KIF5A: variants seen among roughly 807,000 people sequenced by gnomAD.
KIF5A encodes the protein kinesin family member 5A.
A neutral mutation model predicts 141.3 loss-of-function variants in KIF5A; 35 were observed. The observed-to-expected ratio is 0.25, with a 90% CI of 0.19 to 0.33. KIF5A has a LOEUF of 0.33. KIF5A is among the 10% of genes least tolerant of loss of function. The probability of loss-of-function intolerance (pLI) is 1.00; values close to 1 mark genes in which losing one functional copy is unlikely to be tolerated. For synonymous variants in KIF5A, 448 were observed against 500.2 expected, an observed-to-expected ratio of 0.90 and a Z score of 1.39; for missense variants, 861 against 1,314.3, an observed-to-expected ratio of 0.66 and a Z score of 5.33.
Position 57,550,116 on chromosome 12 carries a change from G to A in KIF5A, c.-156G>A. Reference sequence around the variant, plus strand: ...CGCAGGAGAGAGACAGCGCGCCCCGGCCCTGCTCCCCAGGCTTCGCCCGGG... The same window carrying A: ...CGCAGGAGAGAGACAGCGCGCCCCGACCCTGCTCCCCAGGCTTCGCCCGGG... On this transcript the variant is annotated 5_prime_UTR_variant, in exon 1 of 29. Transcript: ENST00000455537. This position sits in a 1 kb window ranked among gnomAD's most constrained non-coding sequence, Gnocchi z 4.6. 1.0e-6 allele frequency: 1 copy of A among 991,284 alleles called. No individual in the cohort carries two copies. Among genetic ancestry groups the A allele is most frequent in the Non-Finnish European group, 1.6e-6 (1 of 644,870 alleles). The allele number at this position is 991,284 out of a possible 1,614,324, so 61.4% of individuals were successfully genotyped here.
At chr12:57,575,310 GA>G (rs1424639266) in intron 16 of KIF5A, 38 bp downstream of exon 16, 3 of 1,589,250 alleles carry the variant, frequency 1.9e-6, no homozygotes, top group Non-Finnish European at 2.6e-6. Context: ...GATGCCATGG[GA>G]GAAAGAAGGC....
chr12:57,567,368 C>T (rs1337126790), intron 7 of KIF5A, 126 bp from the exon 8 acceptor site: 4 of 1,301,584 alleles, frequency 3.1e-6, no homozygotes, highest in Non-Finnish European at 4.4e-6. Flanking sequence ...GGAGATGTGG[C>T]AGCAGGGCTA....
At chr12:57,581,823 G>C in intron 25 of KIF5A, 47 bp from the exon 26 acceptor site, 1 of 1,522,400 alleles carries the variant, frequency 6.6e-7, no homozygotes. Context: ...CCTCAGACTA[G>C]TGGAGGGTGG....
At chr12:57,575,562 C>A in intron 16 of KIF5A, 78 bp from the exon 17 acceptor site, 1 of 1,201,754 alleles carries the variant, frequency 8.3e-7, no homozygotes, top group Non-Finnish European at 1.2e-6. Flanking sequence ...GGGAGGAGAG[C>A]TGGAGTTGGA....
chr12:57,578,388 G>A (rs759279945), intron 23 of KIF5A, 46 bp downstream of exon 23: 3 of 1,304,964 alleles, frequency 2.3e-6, no homozygotes, highest in Non-Finnish European at 3.3e-6. Flanking sequence ...AGGCCGGGTA[G>A]CTAGCATACC....
chr12:57,556,524 T>G (rs753711009), intron 1 of KIF5A, among the ~76,000 whole-genome samples: 1 of 151,932 alleles, frequency 6.6e-6, no homozygotes, highest in Non-Finnish European at 1.5e-5. Flanking sequence ...CCTAGACTGA[T>G]GTAAAGGGGT....
Position 57,583,171 on chromosome 12 carries a change from G to A in KIF5A, c.3091G>A (p.Ala1031Thr), listed in dbSNP as rs749631031. The A allele has an allele frequency of 1.2e-6, 2 of 1,613,814 alleles. No homozygotes were observed. The highest frequency in any genetic ancestry group is 1.7e-5 in the Admixed American group (1 of 60,002). ...TTTCCCTCTCCACCAAGAGACAGCA[G>A]CCAGCTAATCTCCCACACCCACGGC... Reference protein sequence around the residue: ...KLFPLHQETAAS With the variant: ...KLFPLHQETATS Residue 1031 changes from alanine to threonine, a missense_variant, in exon 28 of 29, where the codon GCC becomes ACC. Physicochemically the swap from Ala to Thr is moderately conservative, Grantham distance 58 (BLOSUM62 0). Transcript: ENST00000455537.
intron 11 of KIF5A, 52 bp from the exon 12 acceptor site, chr12:57,569,935 T>C: frequency 6.3e-7 from 1 of 1,590,878 alleles, no homozygotes; most frequent in Non-Finnish European, 8.6e-7. Context: ...GAAGAACTCG[T>C]GGATGCAGCT....
chr12:57,564,580 A>C, intron 5 of KIF5A, 72 bp downstream of exon 5: 6 of 1,208,518 alleles, frequency 5.0e-6, no homozygotes, highest in African/African-American at 1.5e-5. Context: ...TTGCATTTGG[A>C]ATTAGGTACC....
At chr12:57,552,804 T>C (rs922945078) in intron 1 of KIF5A, among the ~76,000 whole-genome samples, 2 of 152,100 alleles carry the variant, frequency 1.3e-5, no homozygotes, top group Non-Finnish European at 2.9e-5. Flanking sequence ...GTGGGAGAGA[T>C]AATCTTTCCC....
chr12:57,567,701 C>T (rs1399017457), intron 8 of KIF5A, 83 bp downstream of exon 8: 1 of 1,436,534 alleles, frequency 7.0e-7, no homozygotes, highest in Admixed American at 2.5e-5. Context: ...CACTCTGTCG[C>T]CCGGGCTGGT....
rs1017745641 is a variant in KIF5A at position 57,581,073 on chromosome 12, G to A, written c.2656G>A (p.Ala886Thr). 2.5e-6 allele frequency: 4 copies of A among 1,613,990 alleles called. No homozygotes were observed. The highest frequency in any genetic ancestry group is 3.4e-6 in the Non-Finnish European group (4 of 1,180,032). ...TGCACTGAAGGAGGCCAAGGAGGGC[G>A]CCATGAAGGACAAGCGCCGGTACCA... ...EGALKEAKEG[A>T]MKDKRRYQQE... The change falls in exon 24 of 29, where the codon GCC becomes ACC. Residue 886 changes from alanine to threonine, a missense_variant. Around this residue, in one of 5 missense-constraint regions of KIF5A, gnomAD observed 482 missense variants for 661.3 expected, o/e 0.73. Transcript: ENST00000455537.
chr12:57,557,250 G>A (rs1435042641), intron 1 of KIF5A, among the ~76,000 whole-genome samples: 2 of 150,546 alleles, frequency 1.3e-5, no homozygotes, highest in Admixed American at 6.6e-5. Context: ...AAAGGAAAAA[G>A]GAAATTAAAA....
At chr12:57,558,689 AAAAC>A (rs1214304308) in intron 1 of KIF5A, among the ~76,000 whole-genome samples, 1 of 152,228 alleles carries the variant, frequency 6.6e-6, no homozygotes, top group African/African-American at 2.4e-5. Context: ...AACAAAAAGC[AAAAC>A]AAACAAACAA....
intron 8 of KIF5A, 55 bp from the exon 9 acceptor site, chr12:57,568,908 C>A (rs889214805): frequency 2.5e-6 from 3 of 1,204,024 alleles, no homozygotes; most frequent in South Asian, 2.5e-5. Context: ...GAGGTGGTGA[C>A]AGCCCTCTCC....
chr12:57,569,257 A>G lies in KIF5A; in HGVS notation c.821A>G (p.Lys274Arg). 2 of 1,613,596 alleles carry G rather than the reference A, an allele frequency of 1.2e-6. No homozygotes were observed. Among genetic ancestry groups the G allele is most frequent in the Non-Finnish European group, 1.7e-6 (2 of 1,179,932 alleles). Residue 274 changes from lysine (K) to arginine (R), a missense_variant and splice_region_variant, in exon 10 of 29, where the codon AAA becomes AGA. Physicochemically the swap from Lys to Arg is conservative, Grantham distance 26. This residue lies in a region of KIF5A where 146 missense variants were observed against 353.4 expected (regional missense o/e 0.41). Coordinates refer to ENST00000455537, the MANE Select transcript of KIF5A (RefSeq NM_004984.4). ...TTCCTGGTCTCCTTCCTCCCCCAGA[A>G]AAGCTATGTTCCATATCGTGACAGC... ...NVISALAEGTKSYVPYRDSKM... is the reference protein window; with the variant it reads ...NVISALAEGTRSYVPYRDSKM...
chr12:57,583,113 G>T lies in KIF5A; in HGVS notation c.3033G>T (p.Pro1011=), dbSNP rs148434838. Residue 1011 remains proline (P), a synonymous_variant, in exon 28 of 29, where the codon CCG becomes CCT. Transcript: ENST00000455537. ...TDINDNRSDL[P]CGYEAEDQAK... ...TCTCTTCCTCCAGGAGTGACCTGCC[G>T]TGTGGCTATGAGGCTGAGGACCAGG... The T allele has an allele frequency of 6.2e-7, 1 of 1,613,866 alleles. No individual in the cohort carries two copies. The highest frequency in any genetic ancestry group is 8.5e-7 in the Non-Finnish European group (1 of 1,179,912).
chr12:57,575,330 G>A, intron 16 of KIF5A, 58 bp downstream of exon 16: 10 of 1,531,652 alleles, frequency 6.5e-6, no homozygotes, highest in Non-Finnish European at 8.1e-6. Context: ...GCTACTCTGG[G>A]GTTATGGCTA....
chr12:57,581,034 A>G lies in KIF5A; in HGVS notation c.2617A>G (p.Lys873Glu). Residue 873 changes from lysine (K) to glutamate (E), a missense_variant, in exon 24 of 29, where the codon AAG becomes GAG. By Grantham distance (56) the Lys-to-Glu change is moderately conservative. Around this residue, in one of 5 missense-constraint regions of KIF5A, gnomAD observed 482 missense variants for 661.3 expected, o/e 0.73. Transcript: ENST00000455537. ...KRLRATAERV[K>E]ALEGALKEAK... ...ACTTAGGGCTACGGCTGAGAGAGTT[A>G]AGGCCCTGGAGGGTGCACTGAAGGA... The G allele has an allele frequency of 6.2e-7, 1 of 1,614,090 alleles. No homozygotes were observed. Among genetic ancestry groups the G allele is most frequent in the Non-Finnish European group, 8.5e-7 (1 of 1,180,020 alleles).
Sources: allele counts gnomAD v4.1 joint callset (sites outside exome capture counted in the v4.1 genomes callset), GRCh38; gene constraint gnomAD v4.1.1; regional missense constraint gnomAD v4.1.1; non-coding constraint Gnocchi (gnomAD v3.1); transcripts MANE v1.5; gene names NCBI Gene and HGNC (gene_info 2026-07-23, HGNC 2026-07-21).